BHLHE22: variants seen among roughly 807,000 people sequenced by gnomAD.
BHLHE22 encodes the protein basic helix-loop-helix family member e22.
In BHLHE22, 8 loss-of-function variants were observed where a neutral mutation model predicts 17.6. That is an observed-to-expected ratio of 0.45 (90% confidence interval 0.27 to 0.82). The LOEUF is 0.82. Among genes scored for constraint, BHLHE22 ranks in the 40% least tolerant of loss-of-function variants. The pLI is 0.16. For synonymous variants in BHLHE22, 353 were observed against 282.7 expected (o/e 1.25, Z -2.49); for missense variants, 570 against 581.5 (o/e 0.98, Z 0.20).
Position 64,581,851 on chromosome 8 carries a change from C to G in BHLHE22, c.1061C>G (p.Pro354Arg). 1 of 1,607,734 alleles carries G rather than the reference C, an allele frequency of 6.2e-7. No homozygotes were observed. Among genetic ancestry groups the G allele is most frequent in the Non-Finnish European group, 8.5e-7 (1 of 1,179,290 alleles). Residue 354 changes from proline (P) to arginine (R), a missense_variant, in exon 1 of 1, where the codon CCC (proline) becomes CGC (arginine). Around this residue, in one of 3 missense-constraint regions of BHLHE22, gnomAD observed 111 missense variants for 122.0 expected, o/e 0.91. Transcript: ENST00000321870. The surrounding 1 kb of genome is among the most constrained non-coding windows in gnomAD (Gnocchi z 6.4). ...GGCTACCCGTTCAGCGCCGGACTGC[C>G]CCCGGCTGCCTCCTGCCCGGAGAAG... ...AAGYPFSAGL[P>R]PAASCPEKCA...
chr8:64,581,286 G>C lies in BHLHE22; in HGVS notation c.496G>C (p.Asp166His). The C allele has an allele frequency of 3.5e-6, 5 of 1,433,586 alleles. No homozygotes were observed. Among genetic ancestry groups the C allele is most frequent in the Non-Finnish European group, 4.5e-6 (5 of 1,105,952 alleles). The allele number at this position is 1,433,586 out of a possible 1,614,324, so 88.8% of individuals were successfully genotyped here. Residue 166 changes from aspartate (D) to histidine (H), a missense_variant, in exon 1 of 1, where the codon GAC (aspartate) becomes CAC (histidine). Transcript: ENST00000321870. The surrounding 1 kb of genome is among the most constrained non-coding windows in gnomAD (Gnocchi z 6.4). ...GCTCGTGCTGCGGGCCGGAGTAGCC[G>C]ACCCGCGGGCCTCCCCGGGAGCGGG... ...CELVLRAGVA[D>H]PRASPGAGGG...
In BHLHE22 at chr8:64,581,741, G is replaced by C; in HGVS notation, c.951G>C (p.Ser317=). The C allele has an allele frequency of 6.2e-7, 1 of 1,601,418 alleles. No individual in the cohort carries two copies. The highest frequency in any genetic ancestry group is 8.5e-7 in the Non-Finnish European group (1 of 1,175,686). Residue 317 remains serine, a synonymous_variant, in exon 1 of 1, where the codon TCG becomes TCC. Transcript: ENST00000321870. This position sits in a 1 kb window ranked among gnomAD's most constrained non-coding sequence, Gnocchi z 6.4. The part of the protein sequence containing the change: ...VAYLNQGQAI[S]AASLPSSAAA... ...ACCTCAACCAGGGCCAGGCCATCTC[G>C]GCTGCCTCCCTGCCCAGCTCGGCGG... is the stretch of plus-strand genomic sequence containing the variant.
Position 64,581,390 on chromosome 8 carries a change from G to GGGCGGC in BHLHE22, c.612_617dup (p.Gly206_Gly207dup), listed in dbSNP as rs770360217. ...GCGCCAGCGTCCCCCCGGGGGGCCT[G>GGGCGGC]GGCGGCGGCGGCGGCGGGGGTAGCA... On this transcript the variant is annotated inframe_insertion, in exon 1 of 1. Coordinates refer to ENST00000321870, the MANE Select transcript of BHLHE22 (RefSeq NM_152414.5). This position sits in a 1 kb window ranked among gnomAD's most constrained non-coding sequence, Gnocchi z 6.4. The GGGCGGC allele has an allele frequency of 7.3e-6, 11 of 1,515,388 alleles. No individual in the cohort carries two copies. The highest frequency in any genetic ancestry group is 4.0e-5 in the Admixed American group (2 of 49,610). The allele number at this position is 1,515,388 out of a possible 1,614,324, so 93.9% of individuals were successfully genotyped here.
Position 64,581,112 on chromosome 8 carries a change from G to A in BHLHE22, c.322G>A (p.Ala108Thr), listed in dbSNP as rs1274585779. ...TGTCCCCGGGCTGCTAGTAGGTTCA[G>A]CCGGCGTTGGGGGCGACCCTAGCCT... ...VGVPGLLVGS[A>T]GVGGDPSLSS... The change falls in exon 1 of 1, where the codon GCC becomes ACC. Residue 108 changes from alanine to threonine, a missense_variant. Around this residue, in one of 3 missense-constraint regions of BHLHE22, gnomAD observed 427 missense variants for 376.2 expected, o/e 1.14. Transcript: ENST00000321870. This position sits in a 1 kb window ranked among gnomAD's most constrained non-coding sequence, Gnocchi z 6.4. 7.3e-7 allele frequency: 1 copy of A among 1,365,514 alleles called. No individual in the cohort carries two copies. The highest frequency in any genetic ancestry group is 9.4e-7 in the Non-Finnish European group (1 of 1,068,084). The allele number at this position is 1,365,514 out of a possible 1,614,324, so 84.6% of individuals were successfully genotyped here. A position where few individuals can be genotyped will look rare whatever the true frequency, so the allele number is the denominator to read the frequency against.
Position 64,582,146 on chromosome 8 carries a change from G to C in BHLHE22, c.*210G>C. 13 of 376,968 alleles carry C rather than the reference G, an allele frequency of 3.4e-5. No individual in the cohort carries two copies. The highest frequency in any genetic ancestry group is 8.4e-5 in the East Asian group (1 of 11,946). The allele number at this position is 376,968 out of a possible 1,614,324, so 23.4% of individuals were successfully genotyped here. On this transcript the variant is annotated 3_prime_UTR_variant, in exon 1 of 1. Coordinates refer to ENST00000321870, the MANE Select transcript of BHLHE22 (RefSeq NM_152414.5). ...TCGGTCTTTGGGGTGGGGAGGGAGG[G>C]AGGAGGGAGGTGGAGTTGGGATGGA...
Position 64,581,536 on chromosome 8 carries a change from C to A in BHLHE22, c.746C>A (p.Ala249Asp). Residue 249 changes from alanine (A) to aspartate (D), a missense_variant, in exon 1 of 1, where the codon GCC becomes GAC. This residue lies in a region of BHLHE22 where 32 missense variants were observed against 83.3 expected (regional missense o/e 0.38). Coordinates refer to ENST00000321870, the MANE Select transcript of BHLHE22 (RefSeq NM_152414.5). The surrounding 1 kb of genome is among the most constrained non-coding windows in gnomAD (Gnocchi z 6.4). ...AAGGCGCTGCGGCTTAACATCAATG[C>A]CCGAGAGCGCCGGCGGATGCACGAC... ...EQKALRLNIN[A>D]RERRRMHDLN... 1 of 1,608,438 alleles carries A rather than the reference C, an allele frequency of 6.2e-7. No individual in the cohort carries two copies.
chr8:64,580,930 C>T lies in BHLHE22; in HGVS notation c.140C>T (p.Ala47Val). Residue 47 changes from alanine to valine, a missense_variant, in exon 1 of 1, where the codon GCG (alanine) becomes GTG (valine). Transcript: ENST00000321870. ...CCCCCGGGCATGGACCTGTCCCTGG[C>T]GCCGCCGCCTCGGGAACGCCCGGCG... ...STPPGMDLSL[A>V]PPPRERPASS... 6.7e-7 allele frequency: 1 copy of T among 1,484,858 alleles called. No individual in the cohort carries two copies. The highest frequency in any genetic ancestry group is 8.9e-7 in the Non-Finnish European group (1 of 1,126,190). The allele number at this position is 1,484,858 out of a possible 1,614,324, so 92.0% of individuals were successfully genotyped here.
At position 64,581,897 on chromosome 8, in the gene BHLHE22, C is replaced by T. The variant is rs201324419; in HGVS notation, c.1107C>T (p.Val369=). 7 of 1,610,872 alleles carry T rather than the reference C, an allele frequency of 4.3e-6. No homozygotes were observed. The highest frequency in any genetic ancestry group is 5.9e-6 in the Non-Finnish European group (7 of 1,179,670). Reference sequence around the variant, plus strand: ...AGAAGTGCGCCCTGTTTAACAGCGTCTCCTCCAGCCTCTGCAAACAGTGCA... The same window carrying T: ...AGAAGTGCGCCCTGTTTAACAGCGTTTCCTCCAGCCTCTGCAAACAGTGCA... ...CPEKCALFNS[V]SSSLCKQCTE... is the part of the protein sequence containing the mutation. The change falls in exon 1 of 1, where the codon GTC becomes GTT. Residue 369 remains valine (V), a synonymous_variant. Coordinates refer to ENST00000321870, the MANE Select transcript of BHLHE22 (RefSeq NM_152414.5). This position sits in a 1 kb window ranked among gnomAD's most constrained non-coding sequence, Gnocchi z 6.4.
rs1348483648 is a variant in BHLHE22 at position 64,581,909 on chromosome 8, CT to C, written c.1120del (p.Cys374AlafsTer53). 1 of 1,611,692 alleles carries C rather than the reference CT, an allele frequency of 6.2e-7. No homozygotes were observed. Among genetic ancestry groups the C allele is most frequent in the African/African-American group, 1.3e-5 (1 of 75,004 alleles). On this transcript the variant is annotated frameshift_variant, in exon 1 of 1. Coordinates refer to ENST00000321870, the MANE Select transcript of BHLHE22 (RefSeq NM_152414.5). LOFTEE classifies it high-confidence loss of function. This position sits in a 1 kb window ranked among gnomAD's most constrained non-coding sequence, Gnocchi z 6.4. Reference sequence around the variant, plus strand: ...TGTTTAACAGCGTCTCCTCCAGCCTCTGCAAACAGTGCACGGAGAAGCCTTA... The same window carrying C: ...TGTTTAACAGCGTCTCCTCCAGCCTCGCAAACAGTGCACGGAGAAGCCTTA... ...ALFNSVSSSLCKQCTEKP is the reference protein window; with the variant it reads ...ALFNSVSSSLXKQCTEKP
At position 64,581,432 on chromosome 8, in the gene BHLHE22, C is replaced by CGGCGGTGGCGGTAGCGGT; in HGVS notation, c.643_660dup (p.Gly215_Gly220dup). On this transcript the variant is annotated inframe_insertion, in exon 1 of 1. Transcript: ENST00000321870. The surrounding 1 kb of genome is among the most constrained non-coding windows in gnomAD (Gnocchi z 6.4). The stretch of plus-strand genomic sequence containing the variant: ...GGGGTAGCAGCAGCGGTAGCAGTGG[C>CGGCGGTGGCGGTAGCGGT]GGCGGTGGCGGTAGCGGTAGCGGCA... 2 of 1,523,654 alleles carry CGGCGGTGGCGGTAGCGGT rather than the reference C, an allele frequency of 1.3e-6. No individual in the cohort carries two copies. Among genetic ancestry groups the CGGCGGTGGCGGTAGCGGT allele is most frequent in the Non-Finnish European group, 1.8e-6 (2 of 1,135,120 alleles). The allele number at this position is 1,523,654 out of a possible 1,614,324, so 94.4% of individuals were successfully genotyped here.
chr8:64,581,722 A>G lies in BHLHE22; in HGVS notation c.932A>G (p.Asn311Ser). The change falls in exon 1 of 1, where the codon AAC (asparagine) becomes AGC (serine). Residue 311 changes from asparagine (N) to serine (S), a missense_variant. By Grantham distance (46) the Asn-to-Ser change is conservative (BLOSUM62 1). Transcript: ENST00000321870. This position sits in a 1 kb window ranked among gnomAD's most constrained non-coding sequence, Gnocchi z 6.4. ...EEMRRLVAYL[N>S]QGQAISAASL... is the part of the protein sequence containing the mutation. ...ATGCGGCGCCTAGTCGCCTACCTCA[A>G]CCAGGGCCAGGCCATCTCGGCTGCC... is the stretch of plus-strand genomic sequence containing the variant. 1 of 1,605,276 alleles carries G rather than the reference A, an allele frequency of 6.2e-7. No homozygotes were observed. Among genetic ancestry groups the G allele is most frequent in the Non-Finnish European group, 8.5e-7 (1 of 1,177,022 alleles).
Position 64,582,140 on chromosome 8 carries a change from G to A in BHLHE22, c.*204G>A. On this transcript the variant is annotated 3_prime_UTR_variant, in exon 1 of 1. Coordinates refer to ENST00000321870, the MANE Select transcript of BHLHE22 (RefSeq NM_152414.5). ...AGAATCTCGGTCTTTGGGGTGGGGA[G>A]GGAGGGAGGAGGGAGGTGGAGTTGG... The A allele has an allele frequency of 1.6e-6, 1 of 622,450 alleles. No individual in the cohort carries two copies. Among genetic ancestry groups the A allele is most frequent in the Non-Finnish European group, 2.8e-6 (1 of 361,708 alleles). 38.6% of individuals were successfully genotyped at this position (622,450 alleles called of 1,614,324 possible). A position where few individuals can be genotyped will look rare whatever the true frequency, so the allele number is the denominator to read the frequency against.
Position 64,581,322 on chromosome 8 carries a change from G to T in BHLHE22, c.532G>T (p.Ala178Ser). The T allele has an allele frequency of 7.0e-7, 1 of 1,432,556 alleles. No individual in the cohort carries two copies. Among genetic ancestry groups the T allele is most frequent in the African/African-American group, 1.5e-5 (1 of 66,706 alleles). The allele number at this position is 1,432,556 out of a possible 1,614,324, so 88.7% of individuals were successfully genotyped here. A position where few individuals can be genotyped will look rare whatever the true frequency, so the allele number is the denominator to read the frequency against. ...CTCCCCGGGAGCGGGAGGTGGTGGC[G>T]CGAAGGCAGCCGAGGGCTGCTCCAA... ...RASPGAGGGG[A>S]KAAEGCSNAH... The change falls in exon 1 of 1, where the codon GCG (alanine) becomes TCG (serine). Residue 178 changes from alanine (A) to serine (S), a missense_variant. Coordinates refer to ENST00000321870, the MANE Select transcript of BHLHE22 (RefSeq NM_152414.5). This position sits in a 1 kb window ranked among gnomAD's most constrained non-coding sequence, Gnocchi z 6.4.
At position 64,582,215 on chromosome 8, in the gene BHLHE22, G is replaced by T. The variant is rs995319078; in HGVS notation, c.*279G>T. 40 of 501,322 alleles carry T rather than the reference G, an allele frequency of 8.0e-5. No homozygotes were observed. The highest frequency in any genetic ancestry group is 1.2e-4 in the Non-Finnish European group (34 of 276,356). 31.1% of individuals were successfully genotyped at this position (501,322 alleles called of 1,614,324 possible). On this transcript the variant is annotated 3_prime_UTR_variant, in exon 1 of 1. Coordinates refer to ENST00000321870, the MANE Select transcript of BHLHE22 (RefSeq NM_152414.5). ...TCTCAGAAAAGTGGCAACTTTGGTG[G>T]CAGCCTAGACCGCGAGGAAGTGGAA...
chr8:64,580,748 G>T lies in BHLHE22; in HGVS notation c.-43G>T. 9.3e-7 allele frequency: 1 copy of T among 1,070,122 alleles called. No individual in the cohort carries two copies. The highest frequency in any genetic ancestry group is 1.1e-6 in the Non-Finnish European group (1 of 885,380). The allele number at this position is 1,070,122 out of a possible 1,614,324, so 66.3% of individuals were successfully genotyped here. ...ACTCCGGGGCCGAGGCGGCGGCGGC[G>T]GCAGCGGGCGCGGCGGCCCGGGCTG... On this transcript the variant is annotated 5_prime_UTR_variant, in exon 1 of 1. Transcript: ENST00000321870.
At position 64,580,849 on chromosome 8, in the gene BHLHE22, A is replaced by C; in HGVS notation, c.59A>C (p.His20Pro). The C allele has an allele frequency of 6.7e-7, 1 of 1,499,584 alleles. No homozygotes were observed. The highest frequency in any genetic ancestry group is 8.8e-7 in the Non-Finnish European group (1 of 1,133,126). The allele number at this position is 1,499,584 out of a possible 1,614,324, so 92.9% of individuals were successfully genotyped here. The change falls in exon 1 of 1, where the codon CAC becomes CCC. Residue 20 changes from histidine to proline, a missense_variant. By Grantham distance (77) the His-to-Pro change is moderately conservative. Transcript: ENST00000321870. ...GCCGGCGAGGACGACCTCTTCCTGC[A>C]CAAGAGCCTGAGCGCCTCCACCTCC... ...AAAGEDDLFL[H>P]KSLSASTSKR...
At position 64,581,376 on chromosome 8, in the gene BHLHE22, C is replaced by G; in HGVS notation, c.586C>G (p.Pro196Ala). ...CCACCTCCACGGCGGCGCCAGCGTC[C>G]CCCCGGGGGGCCTGGGCGGCGGCGG... The part of the protein sequence containing the change: ...NAHLHGGASV[P>A]PGGLGGGGGG... The change falls in exon 1 of 1, where the codon CCC (proline) becomes GCC (alanine). Residue 196 changes from proline (P) to alanine (A), a missense_variant. Around this residue, in one of 3 missense-constraint regions of BHLHE22, gnomAD observed 427 missense variants for 376.2 expected, o/e 1.14. Transcript: ENST00000321870. This position sits in a 1 kb window ranked among gnomAD's most constrained non-coding sequence, Gnocchi z 6.4. 1 of 1,482,850 alleles carries G rather than the reference C, an allele frequency of 6.7e-7. No homozygotes were observed. The highest frequency in any genetic ancestry group is 8.9e-7 in the Non-Finnish European group (1 of 1,127,566). 91.9% of individuals were successfully genotyped at this position (1,482,850 alleles called of 1,614,324 possible).
chr8:64,581,779 C>T lies in BHLHE22; in HGVS notation c.989C>T (p.Ala330Val), dbSNP rs747740432. Reference protein sequence around the residue: ...SLPSSAAAAAAAAALHPALGA... With the variant: ...SLPSSAAAAAVAAALHPALGA... ...CCCAGCTCGGCGGCTGCAGCGGCAG[C>T]AGCTGCTGCCCTGCACCCGGCGCTC... Residue 330 changes from alanine to valine, a missense_variant, in exon 1 of 1, where the codon GCA becomes GTA. Coordinates refer to ENST00000321870, the MANE Select transcript of BHLHE22 (RefSeq NM_152414.5). The surrounding 1 kb of genome is among the most constrained non-coding windows in gnomAD (Gnocchi z 6.4). 7 of 1,587,878 alleles carry T rather than the reference C, an allele frequency of 4.4e-6. No individual in the cohort carries two copies. The highest frequency in any genetic ancestry group is 1.3e-5 in the African/African-American group (1 of 74,206).
Position 64,580,811 on chromosome 8 carries a change from C to A in BHLHE22, c.21C>A (p.Leu7=), listed in dbSNP as rs1804877714. 7.0e-7 allele frequency: 1 copy of A among 1,423,032 alleles called. No homozygotes were observed. The allele number at this position is 1,423,032 out of a possible 1,614,324, so 88.2% of individuals were successfully genotyped here. A position where few individuals can be genotyped will look rare whatever the true frequency, so the allele number is the denominator to read the frequency against. ...GGACCATGGAGCGCGGGATGCACCT[C>A]GGTGCAGCGGCCGCCGGCGAGGACG... MERGMH[L]GAAAAGEDDL... is the part of the protein sequence containing the mutation. The change falls in exon 1 of 1, where the codon CTC becomes CTA. Residue 7 remains leucine (L), a synonymous_variant. Transcript: ENST00000321870.
Sources: allele counts gnomAD v4.1 joint callset, GRCh38; gene constraint gnomAD v4.1.1; regional missense constraint gnomAD v4.1.1; non-coding constraint Gnocchi (gnomAD v3.1); transcripts MANE v1.5; gene names NCBI Gene and HGNC (gene_info 2026-07-23, HGNC 2026-07-21).